The following CPNE4 variants were observed in gnomAD, a reference collection of about 807,000 sequenced individuals.
The protein encoded by CPNE4 is copine-4.
CPNE4 carries 25 observed loss-of-function variants against 67.9 expected under a neutral mutation model. That is an observed-to-expected ratio of 0.37 (90% confidence interval 0.27 to 0.51). The LOEUF is 0.51. Ranked by LOEUF, CPNE4 falls within the 20% of genes least tolerant of loss-of-function variation. The pLI is 0.93. For synonymous variants in CPNE4, 242 were observed against 244.9 expected (o/e 0.99, Z 0.11); for missense variants, 464 against 690.8 (o/e 0.67, Z 3.68).
intron 9 of CPNE4, among the ~76,000 whole-genome samples, chr3:131,577,755 C>A (rs750416783): frequency 1.2e-4 from 18 of 152,160 alleles, no homozygotes; most frequent in African/African-American, 4.3e-4. Context: ...TTAAGCTACA[C>A]TGAATTTGTT....
rs748699398 is a variant in CPNE4, at chr3:131,685,893, C to A, written c.573G>T (p.Gln191His). Residue 191 changes from glutamine (Q) to histidine (H), a missense_variant, in exon 6 of 16, where the codon CAG becomes CAT. Coordinates refer to ENST00000429747, the MANE Select transcript of CPNE4 (RefSeq NM_130808.3). Reference protein sequence around the residue: ...IFRMNDDATQQLVHRTEVVMN... With the variant: ...IFRMNDDATQHLVHRTEVVMN... ...CTCTTACCTCAGTTCGGTGCACCAG[C>A]TGCTGAGTTGCATCATCATTCATAC... The A allele has an allele frequency of 1.2e-6, 2 of 1,612,682 alleles. No homozygotes were observed. Among genetic ancestry groups the A allele is most frequent in the South Asian group, 2.2e-5 (2 of 91,006 alleles).
intron 7 of CPNE4, among the ~76,000 whole-genome samples, chr3:131,656,098 T>C (rs1234326033): frequency 6.7e-6 from 1 of 150,250 alleles, no homozygotes; most frequent in African/African-American, 2.5e-5. Context: ...CCCTCATTCC[T>C]GAAGGAGTGC....
intron 6 of CPNE4, among the ~76,000 whole-genome samples, chr3:131,673,947 G>C (rs2080492370): frequency 6.6e-6 from 1 of 151,992 alleles, no homozygotes; most frequent in Non-Finnish European, 1.5e-5. Flanking sequence ...CTAGCTGTGG[G>C]CTGTTGTATA....
intron 2 of CPNE4, among the ~76,000 whole-genome samples, chr3:131,835,422 T>G (rs1028233502): frequency 1.3e-5 from 2 of 151,874 alleles, no homozygotes; most frequent in African/African-American, 4.8e-5. Flanking sequence ...TCAGCTACTC[T>G]GGAGGCTGAG....
chr3:131,863,745 A>T (rs985955873), intron 2 of CPNE4, among the ~76,000 whole-genome samples: 2 of 152,142 alleles, frequency 1.3e-5, no homozygotes, highest in African/African-American at 4.8e-5. Context: ...TTTTGTTGCC[A>T]TTGCTTTTGG....
intron 1 of CPNE4, among the ~76,000 whole-genome samples, chr3:131,982,473 T>C (rs868437553): frequency 6.6e-6 from 1 of 152,224 alleles, no homozygotes; most frequent in Non-Finnish European, 1.5e-5. Context: ...ACTGAAGCCA[T>C]ATAAAAGCAG....
intron 2 of CPNE4, among the ~76,000 whole-genome samples, chr3:131,770,933 A>G (rs2083150406): frequency 6.6e-6 from 1 of 152,178 alleles, no homozygotes; most frequent in African/African-American, 2.4e-5. Flanking sequence ...TCTTTTCAAA[A>G]GTTGGATATT....
At chr3:131,717,891 T>TCC (rs2081756281) in intron 3 of CPNE4, among the ~76,000 whole-genome samples, 2 of 74,944 alleles carry the variant, frequency 2.7e-5, no homozygotes, top group African/African-American at 7.8e-5. Context: ...TCTTTCTTTC[T>TCC]TTCTTTCTTT....
chr3:131,692,257 T>C (rs2081051994), intron 5 of CPNE4, among the ~76,000 whole-genome samples: 1 of 152,166 alleles, frequency 6.6e-6, no homozygotes, highest in South Asian at 2.1e-4. Flanking sequence ...CTCTGGGAAA[T>C]GTCTGATCTG....
At chr3:131,726,773 T>C (rs1341413035) in intron 2 of CPNE4, among the ~76,000 whole-genome samples, 1 of 151,938 alleles carries the variant, frequency 6.6e-6, no homozygotes, top group Non-Finnish European at 1.5e-5. Flanking sequence ...TAACCCCAGG[T>C]CATTCTGATT....
intron 1 of CPNE4, among the ~76,000 whole-genome samples, chr3:131,934,865 T>C (rs1486500917): frequency 1.3e-5 from 2 of 152,128 alleles, no homozygotes; most frequent in East Asian, 1.9e-4. Context: ...GCTTCTTCCA[T>C]TAATCATCAA....
At chr3:131,644,897 C>T (rs565455050) in intron 7 of CPNE4, among the ~76,000 whole-genome samples, 2 of 152,276 alleles carry the variant, frequency 1.3e-5, no homozygotes, top group Admixed American at 1.3e-4. Context: ...AGCAATTATT[C>T]CAACTGTAGA....
At chr3:131,626,918 G>A (rs535721369) in intron 7 of CPNE4, among the ~76,000 whole-genome samples, 1 of 152,258 alleles carries the variant, frequency 6.6e-6, no homozygotes, top group African/African-American at 2.4e-5. Flanking sequence ...TAAATTGCTG[G>A]GCACGGTGGC....
chr3:131,586,990 T>G (rs890235209), intron 8 of CPNE4, among the ~76,000 whole-genome samples: 1 of 152,182 alleles, frequency 6.6e-6, no homozygotes, highest in Non-Finnish European at 1.5e-5. Context: ...ATGAAAGTAT[T>G]ATTAATGTCA....
chr3:131,555,178 G>A (rs985599028), intron 12 of CPNE4, among the ~76,000 whole-genome samples: 1 of 151,964 alleles, frequency 6.6e-6, no homozygotes, highest in African/African-American at 2.4e-5. Context: ...GGGGATATAC[G>A]AGTGAATAGG....
intron 2 of CPNE4, among the ~76,000 whole-genome samples, chr3:131,738,612 T>C (rs1433485936): frequency 7.0e-6 from 1 of 142,076 alleles, no homozygotes; most frequent in South Asian, 2.3e-4. Flanking sequence ...GGGTTTTTGG[T>C]TTTGTGGGTT....
intron 2 of CPNE4, among the ~76,000 whole-genome samples, chr3:131,744,979 T>A (rs1308625841): frequency 6.6e-6 from 1 of 152,186 alleles, no homozygotes; most frequent in African/African-American, 2.4e-5. Context: ...CGTATGGTAG[T>A]TGCATGTTAA....
At chr3:131,905,682 T>C (rs577004579) in intron 1 of CPNE4, among the ~76,000 whole-genome samples, 1 of 152,260 alleles carries the variant, frequency 6.6e-6, no homozygotes, top group South Asian at 2.1e-4. Flanking sequence ...TCTTGTATGA[T>C]TTGCATACAT....
chr3:131,885,335 CT>C (rs3041549), intron 2 of CPNE4, among the ~76,000 whole-genome samples: 2,155 of 140,762 alleles, frequency 0.015, 31 homozygotes, highest in Non-Finnish European at 0.022. Context: ...GGAGAAATTT[CT>C]TTTTTTTTTT....
Sources: gnomAD v4.1 joint callset for allele counts (sites outside exome capture counted in the v4.1 genomes callset) on GRCh38, gnomAD v4.1.1 for gene constraint, MANE v1.5 for transcripts, NCBI Gene and HGNC (gene_info 2026-07-23, HGNC 2026-07-21) for gene names.